VWA8: variants seen among roughly 807,000 people sequenced by gnomAD.
VWA8 encodes the protein von Willebrand factor A domain containing 8.
A neutral mutation model predicts 241.5 loss-of-function variants in VWA8; 221 were observed. The ratio of observed to expected loss-of-function variants is 0.91; its 90% CI spans 0.82 to 1.02. The LOEUF (loss-of-function observed/expected upper bound fraction) is 1.02, where lower values mean the gene tolerates loss of function less well. Among genes scored for constraint, VWA8 ranks in the 50% least tolerant of loss-of-function variants. The probability of loss-of-function intolerance (pLI) is 0.00; values close to 1 mark genes in which losing one functional copy is unlikely to be tolerated. For missense variants in VWA8, 2,322 were observed against 2,328.7 expected, an observed-to-expected ratio of 1.00 and a Z score of 0.06; for synonymous variants, 852 against 827.1, an observed-to-expected ratio of 1.03 and a Z score of -0.52.
intron 37 of VWA8, among the ~76,000 whole-genome samples, chr13:41,641,803 G>GAA (rs57144853): frequency 2.6e-4 from 38 of 148,620 alleles, no homozygotes; most frequent in Admixed American, 1.5e-3. Context: ...ATTTTTATGG[G>GAA]AAAAAAAAAA....
chr13:41,607,151 G>A (rs192012671), intron 39 of VWA8, among the ~76,000 whole-genome samples: 5 of 152,266 alleles, frequency 3.3e-5, no homozygotes, highest in Admixed American at 3.3e-4. Context: ...TCAGGGAGAA[G>A]GACCATGTTC....
intron 10 of VWA8, 24 bp from the exon 11 acceptor site, chr13:41,866,060 T>A (rs1347459225): frequency 6.2e-7 from 1 of 1,610,452 alleles, no homozygotes; most frequent in Admixed American, 1.7e-5. Flanking sequence ...GAGGTCAATA[T>A]AACATGGCCA....
At chr13:41,592,365 C>G (rs1320017106) in intron 40 of VWA8, among the ~76,000 whole-genome samples, 3 of 148,920 alleles carry the variant, frequency 2.0e-5, no homozygotes. Flanking sequence ...ATACCTAATG[C>G]TAGATGACGA....
At chr13:41,697,945 T>C (rs990952154) in intron 29 of VWA8, among the ~76,000 whole-genome samples, 6 of 152,176 alleles carry the variant, frequency 3.9e-5, no homozygotes, top group African/African-American at 1.4e-4. Flanking sequence ...AGAGGCATGT[T>C]TCTAGACTCT....
At chr13:41,674,946 T>G (rs2045049943) in intron 36 of VWA8, among the ~76,000 whole-genome samples, 1 of 152,158 alleles carries the variant, frequency 6.6e-6, no homozygotes, top group Non-Finnish European at 1.5e-5. Context: ...ACAGAAAAAC[T>G]TATTAGAACA....
chr13:41,668,871 G>C (rs1251902349), intron 37 of VWA8, among the ~76,000 whole-genome samples: 2 of 152,182 alleles, frequency 1.3e-5, no homozygotes, highest in Non-Finnish European at 2.9e-5. Flanking sequence ...GAGAATGTCA[G>C]ATAACATCTA....
At chr13:41,587,116 C>A (rs1593633043) in intron 42 of VWA8, among the ~76,000 whole-genome samples, 1 of 152,094 alleles carries the variant, frequency 6.6e-6, no homozygotes, top group African/African-American at 2.4e-5. Context: ...ATAACCCCTG[C>A]CCATGTGGAA....
intron 38 of VWA8, 59 bp from the exon 39 acceptor site, chr13:41,611,791 T>C (rs2044591000): frequency 1.9e-6 from 3 of 1,601,792 alleles, no homozygotes; most frequent in Non-Finnish European, 2.6e-6. Context: ...AGAACAAAAG[T>C]TGGGTCATGG....
rs576727543 is a variant in VWA8, at chr13:41,957,922, T to C, written c.163+2931A>G. ...GTTTATCATTTGATCTATAGTATAT[T>C]TGAATCCATTTAACATCAGAGTCCC... On this transcript the variant is annotated intron_variant, in intron 1 of 44. Transcript: ENST00000379310. 3.3e-5 allele frequency among the ~76,000 whole-genome samples: 5 copies of C among 152,322 alleles called. No homozygotes were observed. The South Asian group carries it at 8.3e-4, about 25-fold the overall frequency.
intron 35 of VWA8, among the ~76,000 whole-genome samples, chr13:41,680,025 C>A (rs1024915536): frequency 1.3e-5 from 2 of 151,908 alleles, no homozygotes; most frequent in Non-Finnish European, 2.9e-5. Flanking sequence ...ATTCCCCAAT[C>A]CCCCACTCCC....
chr13:41,915,545 T>C (rs144507794), intron 2 of VWA8, among the ~76,000 whole-genome samples: 5 of 152,378 alleles, frequency 3.3e-5, no homozygotes, highest in African/African-American at 4.8e-5. Flanking sequence ...TTGAGAAATA[T>C]TGTGTAGTCA....
At chr13:41,907,729 T>G in intron 3 of VWA8, 33 bp from the exon 4 acceptor site, 1 of 1,579,774 alleles carries the variant, frequency 6.3e-7, no homozygotes. Flanking sequence ...ATTCCAAAAA[T>G]AAAATCAAAT....
chr13:41,697,593 T>A (rs1230520840), intron 29 of VWA8, among the ~76,000 whole-genome samples: 1 of 152,200 alleles, frequency 6.6e-6, no homozygotes, highest in Non-Finnish European at 1.5e-5. Context: ...CATTAGATTC[T>A]TACAAGGAGC....
intron 29 of VWA8, among the ~76,000 whole-genome samples, chr13:41,695,857 A>G (rs2045212758): frequency 6.6e-6 from 1 of 152,190 alleles, no homozygotes. Context: ...TTAATCAGCA[A>G]TGTTACCAAA....
intron 12 of VWA8, among the ~76,000 whole-genome samples, chr13:41,834,372 AT>A (rs1276367461): frequency 1.3e-5 from 2 of 152,222 alleles, no homozygotes; most frequent in African/African-American, 4.8e-5. Context: ...ATTTACAGTC[AT>A]TTTTATCCAA....
intron 19 of VWA8, among the ~76,000 whole-genome samples, chr13:41,779,227 AATAT>A (rs1868779122): frequency 6.8e-6 from 1 of 147,912 alleles, no homozygotes; most frequent in African/African-American, 2.4e-5. Context: ...TAGATATAAA[AATAT>A]ATAAATATAT....
intron 24 of VWA8, among the ~76,000 whole-genome samples, chr13:41,726,413 T>C (rs2045433717): frequency 6.6e-6 from 1 of 152,208 alleles, no homozygotes; most frequent in Non-Finnish European, 1.5e-5. Context: ...TCCAGAATTA[T>C]ATACTTGCTA....
chr13:41,593,608 T>C (rs1364964675), intron 40 of VWA8, among the ~76,000 whole-genome samples: 4 of 152,174 alleles, frequency 2.6e-5, no homozygotes, highest in Non-Finnish European at 5.9e-5. Flanking sequence ...ACATTTCTGT[T>C]CTCTAGTGTG....
intron 1 of VWA8, among the ~76,000 whole-genome samples, chr13:41,951,520 A>T (rs1039503270): frequency 2.6e-5 from 4 of 152,200 alleles, no homozygotes; most frequent in African/African-American, 9.7e-5. Context: ...ATGTAACCTT[A>T]ATTTCCGAGT....
Sources: gnomAD v4.1 joint callset for allele counts (sites outside exome capture counted in the v4.1 genomes callset) on GRCh38, gnomAD v4.1.1 for gene constraint, MANE v1.5 for transcripts, NCBI Gene and HGNC (gene_info 2026-07-23, HGNC 2026-07-21) for gene names.